Variants in CNTN3 observed in about 807,000 individuals in gnomAD.
The protein encoded by CNTN3 is contactin 3.
CNTN3 carries 60 observed loss-of-function variants against 119.1 expected under a neutral mutation model. The observed-to-expected ratio is 0.50, with a 90% CI of 0.41 to 0.62. The LOEUF is 0.62. Ranked by LOEUF, CNTN3 falls within the 20% of genes least tolerant of loss-of-function variation. CNTN3 has a pLI of 0.00. For missense variants in CNTN3, 1,101 were observed against 1,242.4 expected (o/e 0.89, Z 1.71); for synonymous variants, 450 against 438.7 (o/e 1.03, Z -0.32).
chr3:74,401,841 T>C (rs1480760917), intron 5 of CNTN3, among the ~76,000 whole-genome samples: 1 of 152,182 alleles, frequency 6.6e-6, no homozygotes, highest in Non-Finnish European at 1.5e-5. Context: ...AGAATAACCA[T>C]TCTTGTAACC....
At chr3:74,343,641 C>T (rs522525) in intron 11 of CNTN3, among the ~76,000 whole-genome samples, 4,425 of 152,246 alleles carry the variant, frequency 0.029, 156 homozygotes, top group African/African-American at 0.083. Context: ...AATTCTTTGC[C>T]CCTATTGAAT....
At chr3:74,497,308 G>T (rs1462313519) in intron 3 of CNTN3, among the ~76,000 whole-genome samples, 1 of 151,768 alleles carries the variant, frequency 6.6e-6, no homozygotes, top group Non-Finnish European at 1.5e-5. Context: ...TTGCCTAGCT[G>T]AATATTAAAA....
At chr3:74,464,644 T>A (rs1360422061) in intron 4 of CNTN3, among the ~76,000 whole-genome samples, 1 of 152,090 alleles carries the variant, frequency 6.6e-6, no homozygotes, top group Non-Finnish European at 1.5e-5. Flanking sequence ...AGAAAAAAAA[T>A]CCATATTATA....
chr3:74,575,498 C>T (rs1390132594), intron 1 of CNTN3, among the ~76,000 whole-genome samples: 1 of 151,950 alleles, frequency 6.6e-6, no homozygotes, highest in African/African-American at 2.4e-5. Context: ...GATCTGCCCA[C>T]CTCAGCCTCC....
chr3:74,313,189 C>G (rs991759676), intron 13 of CNTN3, among the ~76,000 whole-genome samples: 7 of 151,084 alleles, frequency 4.6e-5, no homozygotes, highest in Non-Finnish European at 1.5e-5. Context: ...GAACAACTAC[C>G]AAGGGTATAA....
intron 19 of CNTN3, among the ~76,000 whole-genome samples, chr3:74,288,159 C>CTTTTTTTTT (rs3084509): frequency 8.9e-5 from 8 of 90,370 alleles, no homozygotes; most frequent in African/African-American, 2.0e-4. Context: ...CTTTTCTTTT[C>CTTTTTTTTT]TTTTTTTTTT....
intron 2 of CNTN3, among the ~76,000 whole-genome samples, chr3:74,508,599 T>C (rs1419169974): frequency 6.6e-6 from 1 of 152,160 alleles, no homozygotes; most frequent in Non-Finnish European, 1.5e-5. Flanking sequence ...ATACAACTGA[T>C]AAAAAGATTT....
intron 20 of CNTN3, among the ~76,000 whole-genome samples, chr3:74,275,233 T>TCC (rs1701857768): frequency 1.3e-5 from 2 of 152,148 alleles, no homozygotes; most frequent in African/African-American, 4.8e-5. Flanking sequence ...TTTGGGGGAA[T>TCC]AATCAAGGAA....
chr3:74,302,574 A>G (rs1559691634), intron 14 of CNTN3, 116 bp downstream of exon 14: 1 of 657,764 alleles, frequency 1.5e-6, no homozygotes, highest in Non-Finnish European at 2.7e-6. Context: ...ATGAGGGGGG[A>G]TGAAATCAAT....
intron 3 of CNTN3, among the ~76,000 whole-genome samples, chr3:74,492,307 G>C (rs994774436): frequency 6.6e-6 from 1 of 152,112 alleles, no homozygotes; most frequent in Non-Finnish European, 1.5e-5. Flanking sequence ...TAATCAGAGA[G>C]AAATATTTGG....
At chr3:74,584,161 G>A (rs1575846359) in intron 1 of CNTN3, among the ~76,000 whole-genome samples, 1 of 151,912 alleles carries the variant, frequency 6.6e-6, no homozygotes, top group Non-Finnish European at 1.5e-5. Flanking sequence ...AATTACATGT[G>A]ATTTTTTTAT....
intron 13 of CNTN3, among the ~76,000 whole-genome samples, chr3:74,303,571 T>G: frequency 6.6e-6 from 1 of 151,980 alleles, no homozygotes; most frequent in East Asian, 1.9e-4. Flanking sequence ...CGTGCCCCTG[T>G]AATCTCACCT....
At chr3:74,327,322 T>C (rs1037478291) in intron 13 of CNTN3, among the ~76,000 whole-genome samples, 1 of 151,876 alleles carries the variant, frequency 6.6e-6, no homozygotes, top group Non-Finnish European at 1.5e-5. Context: ...AGAGACAGGG[T>C]TTCACCATGT....
chr3:74,396,714 C>G (rs1206910780), intron 5 of CNTN3, among the ~76,000 whole-genome samples: 3 of 144,914 alleles, frequency 2.1e-5, no homozygotes, highest in Non-Finnish European at 3.0e-5. Flanking sequence ...CCACTGCACT[C>G]CAGCCTGGCG....
At chr3:74,309,987 C>A (rs1702645570) in intron 13 of CNTN3, among the ~76,000 whole-genome samples, 1 of 152,192 alleles carries the variant, frequency 6.6e-6, no homozygotes, top group South Asian at 2.1e-4. Context: ...GCTATAGATA[C>A]ATACATAAAT....
At chr3:74,410,076 T>C (rs181636039) in intron 5 of CNTN3, among the ~76,000 whole-genome samples, 160 of 152,312 alleles carry the variant, frequency 1.1e-3, no homozygotes, top group East Asian at 9.6e-4. Flanking sequence ...ACTCCACTCA[T>C]AGAAAGATTC....
intron 13 of CNTN3, among the ~76,000 whole-genome samples, chr3:74,332,994 G>A (rs1364746502): frequency 6.6e-6 from 1 of 152,182 alleles, no homozygotes; most frequent in East Asian, 1.9e-4. Flanking sequence ...TATGGCCTAT[G>A]CCTTTTCCTA....
intron 1 of CNTN3, among the ~76,000 whole-genome samples, chr3:74,535,259 G>A (rs754719983): frequency 6.6e-6 from 1 of 151,986 alleles, no homozygotes; most frequent in Non-Finnish European, 1.5e-5. Context: ...CCTATTAGGG[G>A]CTGTATCTAG....
At chr3:74,552,449 C>T (rs138556129) in intron 1 of CNTN3, among the ~76,000 whole-genome samples, 2 of 152,312 alleles carry the variant, frequency 1.3e-5, no homozygotes, top group Non-Finnish European at 2.9e-5. Context: ...GCTCCACATC[C>T]TCACCAGCAT....
Sources: gnomAD v4.1 joint callset for allele counts (sites outside exome capture counted in the v4.1 genomes callset) on GRCh38, gnomAD v4.1.1 for gene constraint, MANE v1.5 for transcripts, NCBI Gene and HGNC (gene_info 2026-07-23, HGNC 2026-07-21) for gene names.